The following TNKS variants were observed in gnomAD, a reference collection of about 807,000 sequenced individuals.
TNKS encodes poly [ADP-ribose] polymerase tankyrase-1.
A neutral mutation model predicts 135.8 loss-of-function variants in TNKS; 72 were observed. The observed-to-expected ratio is 0.53, with a 90% CI of 0.44 to 0.64. TNKS has a LOEUF of 0.64. Ranked by LOEUF, TNKS falls within the 30% of genes least tolerant of loss-of-function variation. The probability of loss-of-function intolerance (pLI) is 0.00; values close to 1 mark genes in which losing one functional copy is unlikely to be tolerated. For missense variants in TNKS, 1,769 were observed against 1,674.0 expected (o/e 1.06, Z -0.99); for synonymous variants, 849 against 649.3 (o/e 1.31, Z -4.68).
chr8:9,712,267 G>T (rs1804373403), intron 11 of TNKS, among the ~76,000 whole-genome samples: 2 of 152,146 alleles, frequency 1.3e-5, no homozygotes, highest in Non-Finnish European at 2.9e-5. Context: ...ATTGCTTGAG[G>T]CCAGGAGTTC....
Position 9,729,795 on chromosome 8 carries a change from G to A in TNKS, c.2002-1095G>A, listed in dbSNP as rs568573089. 2.8e-4 allele frequency among the ~76,000 whole-genome samples: 8 copies of A among 28,772 alleles called. No individual in the cohort carries two copies. The South Asian group carries it at 6.6e-3, about 24-fold the overall frequency. 18.9% of individuals were successfully genotyped at this position (28,772 alleles called of 152,430 possible). ...TCTTTTTTTTTTTTTTTTTTTTTGA[G>A]ATGGGGTCTCACTCTGTCACCAGAC... On this transcript the variant is annotated intron_variant, in intron 13 of 26. Transcript: ENST00000310430.
At chr8:9,582,395 G>T (rs905217095) in intron 2 of TNKS, among the ~76,000 whole-genome samples, 2 of 152,074 alleles carry the variant, frequency 1.3e-5, no homozygotes, top group East Asian at 1.9e-4. Flanking sequence ...TTTTTAAAAG[G>T]TTTTTGCCTA....
chr8:9,602,706 A>G (rs1469324367), intron 2 of TNKS, among the ~76,000 whole-genome samples: 1 of 152,240 alleles, frequency 6.6e-6, no homozygotes, highest in Non-Finnish European at 1.5e-5. Context: ...AATGCCACAC[A>G]TATATGTAAT....
chr8:9,618,137 C>G (rs1799721639), intron 3 of TNKS, among the ~76,000 whole-genome samples: 1 of 152,064 alleles, frequency 6.6e-6, no homozygotes, highest in Non-Finnish European at 1.5e-5. Context: ...CAGGCATGTG[C>G]CGCCACGCCT....
At chr8:9,705,433 G>A (rs543258772) in intron 6 of TNKS, among the ~76,000 whole-genome samples, 1 of 152,328 alleles carries the variant, frequency 6.6e-6, no homozygotes, top group African/African-American at 2.4e-5. Flanking sequence ...TTATGTTACA[G>A]TCTTGTGACT....
intron 11 of TNKS, among the ~76,000 whole-genome samples, chr8:9,720,115 A>G (rs1336527492): frequency 6.6e-6 from 1 of 152,178 alleles, no homozygotes; most frequent in Admixed American, 6.5e-5. Flanking sequence ...AGGGAGTAGC[A>G]GAAATGGGAA....
chr8:9,691,017 T>C (rs1017321925), intron 5 of TNKS, among the ~76,000 whole-genome samples: 2 of 152,182 alleles, frequency 1.3e-5, no homozygotes, highest in Non-Finnish European at 2.9e-5. Flanking sequence ...GAGAGCTCGC[T>C]TGTTTAGATC....
intron 3 of TNKS, among the ~76,000 whole-genome samples, chr8:9,650,483 A>AT (rs1381910831): frequency 6.6e-6 from 1 of 152,008 alleles, no homozygotes; most frequent in African/African-American, 2.4e-5. Flanking sequence ...AACATCTGTT[A>AT]TTTTTTTATT....
chr8:9,607,518 C>T (rs754534387), intron 2 of TNKS, among the ~76,000 whole-genome samples: 1 of 152,170 alleles, frequency 6.6e-6, no homozygotes, highest in Admixed American at 6.5e-5. Context: ...TGTCAGAAAA[C>T]CTTTTGCACT....
chr8:9,759,094 C>G (rs897936462), intron 20 of TNKS, among the ~76,000 whole-genome samples: 3 of 152,204 alleles, frequency 2.0e-5, no homozygotes, highest in Non-Finnish European at 4.4e-5. Context: ...GAAAGATGAT[C>G]TGCTAGTCAC....
intron 1 of TNKS, among the ~76,000 whole-genome samples, chr8:9,560,565 G>T (rs1434527653): frequency 8.6e-6 from 1 of 115,890 alleles, no homozygotes; most frequent in Non-Finnish European, 1.6e-5. Context: ...GTTAATAATA[G>T]AAGTCACCAT....
At position 9,734,383 on chromosome 8, in the gene TNKS, C is replaced by T. The variant is rs377025003; in HGVS notation, c.2314-482C>T. 9.9e-5 allele frequency among the ~76,000 whole-genome samples: 15 copies of T among 152,104 alleles called. No homozygotes were observed. In the East Asian group the frequency reaches 1.5e-3, roughly 16 times the overall value. On this transcript the variant is annotated intron_variant, in intron 15 of 26. Transcript: ENST00000310430. ...TCTAATTTCATGATAGATGTTAAGA[C>T]TTAGGATAAAAATCTTAAAAATATT...
Position 9,556,483 on chromosome 8 carries a change from G to C in TNKS, c.544G>C (p.Ala182Pro), listed in dbSNP as rs374560573. 6.2e-7 allele frequency: 1 copy of C among 1,614,166 alleles called. No homozygotes were observed. Residue 182 changes from alanine to proline, a missense_variant, in exon 1 of 27, where the codon GCC becomes CCC. Physicochemically the swap from Ala to Pro is conservative, Grantham distance 27. Transcript: ENST00000310430. ...GACAGGGGTCCCAGCAGTGAGCGGG[G>C]CCCTACGGGAACTGCTGGAGGCCTG... ...PGTGVPAVSG[A>P]LRELLEACRN...
In TNKS at chr8:9,580,746, C is replaced by G. The variant is rs148740570; in HGVS notation, c.898+363C>G. On this transcript the variant is annotated intron_variant, in intron 2 of 26. Transcript: ENST00000310430. ...TACTGAGTTGGATGACATTTGAACACTTGAGGTTGATTCAAGGAAACTCAT... is the reference window on the plus strand; with the variant it reads ...TACTGAGTTGGATGACATTTGAACAGTTGAGGTTGATTCAAGGAAACTCAT... 3.2e-3 allele frequency among the ~76,000 whole-genome samples: 485 copies of G among 152,082 alleles called. 3 individuals carry two copies. The highest frequency in any genetic ancestry group is 0.011 in the African/African-American group (456 of 41,474).
intron 2 of TNKS, among the ~76,000 whole-genome samples, chr8:9,599,680 T>C (rs553598561): frequency 4.2e-4 from 64 of 152,348 alleles, no homozygotes; most frequent in African/African-American, 1.4e-3. Flanking sequence ...GTGTCCTGGA[T>C]TAACTTTGTT....
At chr8:9,744,921 C>G (rs1806157684) in intron 17 of TNKS, among the ~76,000 whole-genome samples, 1 of 152,106 alleles carries the variant, frequency 6.6e-6, no homozygotes, top group Non-Finnish European at 1.5e-5. Context: ...TAATACATAC[C>G]AGATATACAA....
chr8:9,649,411 C>A (rs62491543), intron 3 of TNKS, among the ~76,000 whole-genome samples: 1 of 152,046 alleles, frequency 6.6e-6, no homozygotes, highest in Admixed American at 6.5e-5. Flanking sequence ...ATACACTTCA[C>A]TAGTAGAATA....
intron 2 of TNKS, among the ~76,000 whole-genome samples, chr8:9,582,162 T>C (rs549770903): frequency 3.1e-4 from 47 of 152,332 alleles, no homozygotes; most frequent in African/African-American, 1.1e-3. Context: ...CAGAAACCTC[T>C]TAGGAGGTTT....
chr8:9,597,070 C>A (rs1798817664), intron 2 of TNKS, among the ~76,000 whole-genome samples: 1 of 152,210 alleles, frequency 6.6e-6, no homozygotes, highest in African/African-American at 2.4e-5. Context: ...CTGGGATAAT[C>A]TTAGCTTGCA....
Sources: gnomAD v4.1 joint callset for allele counts (sites outside exome capture counted in the v4.1 genomes callset) on GRCh38, gnomAD v4.1.1 for gene constraint, MANE v1.5 for transcripts, NCBI Gene and HGNC (gene_info 2026-07-23, HGNC 2026-07-21) for gene names.